The following CCDC192 variants were observed in gnomAD, a reference collection of about 807,000 sequenced individuals.
CCDC192 encodes coiled-coil domain containing 192.
intron 6 of CCDC192, among the ~76,000 whole-genome samples, chr5:127,911,162 C>A (rs1348852774): frequency 6.6e-6 from 1 of 152,142 alleles, no homozygotes; most frequent in East Asian, 1.9e-4. Flanking sequence ...GCATTGAGTC[C>A]CACAATATGT....
rs1561495771 is a variant in CCDC192 at position 127,800,394 on chromosome 5, A to AAC, written c.411+2233_411+2234insCA. ...GTATTCTGAAAAAAAAAAAAAAAAAAAAAAAAACAACAACAACAAAAAGTA... is the reference window on the plus strand; with the variant it reads ...GTATTCTGAAAAAAAAAAAAAAAAAAACAAAAAAACAACAACAACAAAAAGTA... On this transcript the variant is annotated intron_variant, in intron 5 of 6. Transcript: ENST00000514853. 2.7e-3 allele frequency among the ~76,000 whole-genome samples: 379 copies of AAC among 138,436 alleles called. 4 individuals are homozygous for AAC. Among genetic ancestry groups the AAC allele is most frequent in the African/African-American group, 9.2e-3 (357 of 38,602 alleles). 90.8% of individuals were successfully genotyped at this position (138,436 alleles called of 152,430 possible). A position where few individuals can be genotyped will look rare whatever the true frequency, so the allele number is the denominator to read the frequency against.
intron 3 of CCDC192, among the ~76,000 whole-genome samples, chr5:127,788,083 GAAAAA>G (rs60238996): frequency 1.1e-5 from 1 of 94,646 alleles, no homozygotes; most frequent in Non-Finnish European, 2.1e-5. Context: ...CTTCACCTCA[GAAAAA>G]AAAAAAAAAA....
At chr5:127,753,370 C>A (rs1046239170) in intron 2 of CCDC192, among the ~76,000 whole-genome samples, 1 of 152,158 alleles carries the variant, frequency 6.6e-6, no homozygotes, top group Admixed American at 6.5e-5. Context: ...ATTTTGCATA[C>A]TCTTCAGCTT....
chr5:127,871,094 G>T (rs1751838617), intron 5 of CCDC192, among the ~76,000 whole-genome samples: 1 of 152,234 alleles, frequency 6.6e-6, no homozygotes, highest in Non-Finnish European at 1.5e-5. Flanking sequence ...GAGCTGCCGT[G>T]AGGAGCAAGA....
intron 2 of CCDC192, among the ~76,000 whole-genome samples, chr5:127,753,020 C>G (rs1754319012): frequency 6.6e-6 from 1 of 152,176 alleles, no homozygotes; most frequent in South Asian, 2.1e-4. Context: ...TCTGGCACTC[C>G]CTAGTGAGAT....
intron 2 of CCDC192, among the ~76,000 whole-genome samples, chr5:127,717,457 T>C (rs1416701633): frequency 7.3e-6 from 1 of 136,170 alleles, no homozygotes; most frequent in African/African-American, 2.8e-5. Context: ...GCTCAAGCAG[T>C]GCATAGAAAG....
In CCDC192 at chr5:127,721,024, G is replaced by A. The variant is rs368211637; in HGVS notation, c.114+13264G>A. On this transcript the variant is annotated intron_variant, in intron 2 of 6. Transcript: ENST00000514853. ...ACATGAAGTTCTCTGAAATGTCTTCGAGGTCTTTCCCCATTATCTTGACTA... is the reference window on the plus strand; with the variant it reads ...ACATGAAGTTCTCTGAAATGTCTTCAAGGTCTTTCCCCATTATCTTGACTA... Among the ~76,000 whole-genome samples the A allele has an allele frequency of 1.5e-4, 23 of 152,296 alleles. No homozygotes were observed. The South Asian group carries it at 2.3e-3, about 15-fold the overall frequency.
chr5:127,864,504 T>A (rs551829011), intron 5 of CCDC192, among the ~76,000 whole-genome samples: 1 of 152,208 alleles, frequency 6.6e-6, no homozygotes, highest in Non-Finnish European at 1.5e-5. Flanking sequence ...CTGTGCTAGA[T>A]TTGTAATGGA....
chr5:127,838,163 A>C (rs1325059297), intron 5 of CCDC192, among the ~76,000 whole-genome samples: 1 of 152,216 alleles, frequency 6.6e-6, no homozygotes, highest in African/African-American at 2.4e-5. Context: ...CAATGCCTTC[A>C]AACTTTGCCT....
At chr5:127,719,001 T>G (rs1177079252) in intron 2 of CCDC192, among the ~76,000 whole-genome samples, 1 of 152,164 alleles carries the variant, frequency 6.6e-6, no homozygotes, top group East Asian at 1.9e-4. Flanking sequence ...CTTATTCATT[T>G]TCTCTAACTA....
rs149616853 is a variant in CCDC192, at chr5:127,839,793, G to GAT, written c.412-35730_412-35729dup. 2.4e-3 allele frequency among the ~76,000 whole-genome samples: 352 copies of GAT among 148,636 alleles called. 2 individuals are homozygous for GAT. Among genetic ancestry groups the GAT allele is most frequent in the African/African-American group, 5.5e-3 (225 of 40,596 alleles). ...CACACTAAGAGTCTATGGATTGTAAGATATATATATATATATGATCCTTTT... is the reference window on the plus strand; with the variant it reads ...CACACTAAGAGTCTATGGATTGTAAGATATATATATATATATATGATCCTTTT... On this transcript the variant is annotated intron_variant, in intron 5 of 6. Coordinates refer to ENST00000514853, the MANE Select transcript of CCDC192 (RefSeq NM_001317938.2).
chr5:127,726,573 C>T (rs1032531355), intron 2 of CCDC192, among the ~76,000 whole-genome samples: 1 of 152,222 alleles, frequency 6.6e-6, no homozygotes, highest in South Asian at 2.1e-4. Flanking sequence ...GCCATTTTCT[C>T]CTGTGGGTGC....
At chr5:127,790,983 A>T (rs1307580206) in intron 3 of CCDC192, among the ~76,000 whole-genome samples, 1 of 152,210 alleles carries the variant, frequency 6.6e-6, no homozygotes, top group Non-Finnish European at 1.5e-5. Flanking sequence ...TTAAATGACC[A>T]ATTTCTATAT....
chr5:127,930,392 G>T (rs139402008), intron 6 of CCDC192, among the ~76,000 whole-genome samples: 1 of 152,182 alleles, frequency 6.6e-6, no homozygotes, highest in East Asian at 1.9e-4. Flanking sequence ...TCAATCTCAT[G>T]GACTCTCCCT....
chr5:127,844,621 CAGAGA>C (rs1483653955), intron 5 of CCDC192, among the ~76,000 whole-genome samples: 1 of 152,198 alleles, frequency 6.6e-6, no homozygotes, highest in African/African-American at 2.4e-5. Context: ...TTCCCTCTAG[CAGAGA>C]CAAAGGGTGA....
chr5:127,792,943 A>G (rs1275660255), intron 3 of CCDC192, among the ~76,000 whole-genome samples: 1 of 152,162 alleles, frequency 6.6e-6, no homozygotes, highest in African/African-American at 2.4e-5. Flanking sequence ...AAGCTGGCAG[A>G]TAAAACAATC....
chr5:127,753,653 A>G (rs1178301015), intron 2 of CCDC192, among the ~76,000 whole-genome samples: 1 of 149,734 alleles, frequency 6.7e-6, no homozygotes, highest in Non-Finnish European at 1.5e-5. Flanking sequence ...GTGCCCTTGC[A>G]CTCGGCCTGG....
At chr5:127,823,487 C>T (rs1379645948) in intron 5 of CCDC192, among the ~76,000 whole-genome samples, 3 of 152,194 alleles carry the variant, frequency 2.0e-5, no homozygotes, top group South Asian at 4.1e-4. Flanking sequence ...TATTCAATTT[C>T]CCACACTGAA....
At chr5:127,757,343 A>C (rs536558058) in intron 3 of CCDC192, among the ~76,000 whole-genome samples, 1 of 152,214 alleles carries the variant, frequency 6.6e-6, no homozygotes, top group Non-Finnish European at 1.5e-5. Flanking sequence ...GGAGAGTATG[A>C]TGTGTAAAAG....
Sources: allele counts gnomAD v4.1 joint callset (sites outside exome capture counted in the v4.1 genomes callset), GRCh38; gene constraint gnomAD v4.1.1; transcripts MANE v1.5; gene names NCBI Gene and HGNC (gene_info 2026-07-23, HGNC 2026-07-21).